PCNT: variants seen among roughly 807,000 people sequenced by gnomAD.
The protein encoded by PCNT is pericentrin, also known as kendrin.
In PCNT, 319 loss-of-function variants were observed where a neutral mutation model predicts 380.4. The observed-to-expected ratio is 0.84, with a 90% CI of 0.77 to 0.92. PCNT has a LOEUF of 0.92. Ranked by LOEUF, PCNT falls within the 40% of genes least tolerant of loss-of-function variation. The pLI, the probability that PCNT is intolerant of heterozygous loss-of-function variation, is 0.00. For missense variants in PCNT, 4,400 were observed against 4,255.3 expected (o/e 1.03, Z -0.95); for synonymous variants, 1,845 against 1,735.2 (o/e 1.06, Z -1.57).
At chr21:46,383,535 G>T (rs1228809429) in intron 16 of PCNT, among the ~76,000 whole-genome samples, 1 of 143,234 alleles carries the variant, frequency 7.0e-6, no homozygotes, top group Non-Finnish European at 1.5e-5. Context: ...TGGCGGAAGC[G>T]CATTCACAGT....
At position 46,365,407 on chromosome 21, in the gene PCNT, G is replaced by A. The variant is rs79984425; in HGVS notation, c.2610-1177G>A. 8.0e-4 allele frequency among the ~76,000 whole-genome samples: 80 copies of A among 99,386 alleles called. 5 individuals carry two copies. Among genetic ancestry groups the A allele is most frequent in the Admixed American group, 2.0e-3 (19 of 9,632 alleles). 65.2% of individuals were successfully genotyped at this position (99,386 alleles called of 152,430 possible). On this transcript the variant is annotated intron_variant, in intron 14 of 46. Transcript: ENST00000359568. ...GTTCTGTTCACTGCCGTGGGGTTCT[G>A]ATCACTGCCGTGGGGTTCTATTCAC... is the stretch of plus-strand genomic sequence containing the variant.
intron 10 of PCNT, 128 bp from the exon 11 acceptor site, chr21:46,353,859 A>G (rs751142696): frequency 1.0e-5 from 8 of 786,884 alleles, no homozygotes; most frequent in East Asian, 2.7e-5. Flanking sequence ...GCACATGGAC[A>G]TTGCCCGTCC....
chr21:46,444,896 ATGGC>A, intron 46 of PCNT, 75 bp downstream of exon 46: 1 of 1,426,306 alleles, frequency 7.0e-7, no homozygotes, highest in Non-Finnish European at 9.9e-7. Flanking sequence ...CTGTTGAAAG[ATGGC>A]TGGTATTCAG....
Position 46,324,279 on chromosome 21 carries a change from G to A in PCNT, c.51G>A (p.Thr17=). ...QRRRKVEAGR[T]KLAHFRQRKT... is the part of the protein sequence containing the mutation. The stretch of plus-strand genomic sequence containing the variant: ...GCAGAAAGGTGGAGGCCGGGAGGAC[G>A]AAGGTAAACATTAGGGGCTTCTTCT... Residue 17 remains threonine (T), a synonymous_variant, in exon 1 of 47, where the codon ACG becomes ACA. Coordinates refer to ENST00000359568, the MANE Select transcript of PCNT (RefSeq NM_006031.6). The A allele has an allele frequency of 3.7e-6, 6 of 1,610,492 alleles. No homozygotes were observed. The highest frequency in any genetic ancestry group is 5.1e-6 in the Non-Finnish European group (6 of 1,178,138).
intron 25 of PCNT, among the ~76,000 whole-genome samples, chr21:46,400,955 C>T (rs2147480498): frequency 6.6e-6 from 1 of 152,330 alleles, no homozygotes. Flanking sequence ...AGTTGTCCCC[C>T]TGGCCGGCCA....
chr21:46,391,931 C>CTCAG (rs1337860661), intron 21 of PCNT, among the ~76,000 whole-genome samples: 1 of 152,024 alleles, frequency 6.6e-6, no homozygotes, highest in Non-Finnish European at 1.5e-5. Flanking sequence ...ATTCGTGCAT[C>CTCAG]TCAGGCACGT....
rs1199074067 is a variant in PCNT, at chr21:46,425,264, G to T, written c.7180-567G>T. On this transcript the variant is annotated intron_variant, in intron 32 of 46. Coordinates refer to ENST00000359568, the MANE Select transcript of PCNT (RefSeq NM_006031.6). The surrounding 1 kb of genome is among the most constrained non-coding windows in gnomAD (Gnocchi z 4.2). ...GCGTAATCGGTGGGATAAAGCAGCC[G>T]CCTCGTGTTCACAGACCTGTGGGCA... Among the ~76,000 whole-genome samples, 1 of 152,184 alleles carries T rather than the reference G, an allele frequency of 6.6e-6. No individual in the cohort carries two copies. Among genetic ancestry groups the T allele is most frequent in the Non-Finnish European group, 1.5e-5 (1 of 68,038 alleles).
chr21:46,344,018 G>A (rs931530032), intron 3 of PCNT, among the ~76,000 whole-genome samples: 3 of 151,044 alleles, frequency 2.0e-5, no homozygotes, highest in Non-Finnish European at 2.9e-5. Flanking sequence ...TTCCTTTCCT[G>A]GTTAATCTCA....
intron 27 of PCNT, among the ~76,000 whole-genome samples, chr21:46,409,389 A>G (rs536753046): frequency 6.6e-6 from 1 of 151,762 alleles, no homozygotes; most frequent in South Asian, 2.1e-4. Flanking sequence ...GGGTTTCTCC[A>G]TGTTGGTCAG....
chr21:46,386,848 C>T lies in PCNT; in HGVS notation c.3464+865C>T, dbSNP rs2085855576. 2.6e-5 allele frequency among the ~76,000 whole-genome samples: 4 copies of T among 152,198 alleles called. No homozygotes were observed. The South Asian group carries it at 8.3e-4, about 32-fold the overall frequency. On this transcript the variant is annotated intron_variant, in intron 17 of 46. Coordinates refer to ENST00000359568, the MANE Select transcript of PCNT (RefSeq NM_006031.6). ...GGCACTGTGTTGCCAAACGCAGCCT[C>T]CCCTTGGTGCGCGTCCTCCCCGTCC...
intron 12 of PCNT, among the ~76,000 whole-genome samples, chr21:46,356,482 CAGA>C (rs1433331343): frequency 6.6e-6 from 1 of 152,246 alleles, no homozygotes; most frequent in African/African-American, 2.4e-5. Context: ...TCCTCTTCTG[CAGA>C]AGAAGAGATG....
chr21:46,398,631 C>T (rs1018892919), intron 24 of PCNT, among the ~76,000 whole-genome samples: 6 of 152,290 alleles, frequency 3.9e-5, no homozygotes, highest in Middle Eastern at 3.4e-3. Flanking sequence ...CTTTCTCGGG[C>T]AACCACTCAT....
intron 27 of PCNT, among the ~76,000 whole-genome samples, chr21:46,403,334 G>T (rs1437135023): frequency 1.4e-5 from 2 of 147,538 alleles, no homozygotes; most frequent in African/African-American, 2.5e-5. Context: ...TTGTGTGTGT[G>T]TGGTGCCCAC....
chr21:46,360,360 A>G (rs2084663447), intron 13 of PCNT, among the ~76,000 whole-genome samples: 1 of 141,584 alleles, frequency 7.1e-6, no homozygotes, highest in Admixed American at 7.3e-5. Context: ...AGTAGCTGGG[A>G]CTACAGGCGC....
At chr21:46,370,546 C>T (rs899438351) in intron 15 of PCNT, among the ~76,000 whole-genome samples, 2 of 152,052 alleles carry the variant, frequency 1.3e-5, no homozygotes, top group Non-Finnish European at 1.5e-5. Flanking sequence ...GAGGGGTCAT[C>T]CCAGGTTGGA....
rs768323829 is a variant in PCNT at position 46,398,230 on chromosome 21, G to A, written c.4564-5G>A. Reference sequence around the variant, plus strand: ...TTTTGCCTTCCATGTACATGAAATCGGCAGCAGGCGCCGCTGGATGGAGAG... The same window carrying A: ...TTTTGCCTTCCATGTACATGAAATCAGCAGCAGGCGCCGCTGGATGGAGAG... On this transcript the variant is annotated splice_polypyrimidine_tract_variant and splice_region_variant and intron_variant, in intron 23 of 46. Transcript: ENST00000359568. 1.1e-5 allele frequency: 17 copies of A among 1,607,882 alleles called. No homozygotes were observed. Among genetic ancestry groups the A allele is most frequent in the East Asian group, 4.5e-5 (2 of 44,726 alleles).
intron 26 of PCNT, 115 bp downstream of exon 26, chr21:46,401,836 ATTCTT>A (rs1332643993): frequency 2.8e-5 from 27 of 979,566 alleles, no homozygotes; most frequent in Middle Eastern, 3.0e-4. Flanking sequence ...ACCACTGTGT[ATTCTT>A]TTCTTTTCTT....
At chr21:46,369,156 C>T (rs574576013) in intron 15 of PCNT, among the ~76,000 whole-genome samples, 10 of 152,370 alleles carry the variant, frequency 6.6e-5, no homozygotes, top group African/African-American at 2.4e-4. Context: ...GAGTAAGGTG[C>T]AGTCAGTTGC....
intron 42 of PCNT, 146 bp from the exon 43 acceptor site, chr21:46,440,707 GAT>G (rs2053585678): frequency 3.2e-6 from 2 of 616,984 alleles, no homozygotes; most frequent in Admixed American, 5.6e-5. Flanking sequence ...TCTGGCCACA[GAT>G]ACTGTTGGAA....
Sources: allele counts gnomAD v4.1 joint callset (sites outside exome capture counted in the v4.1 genomes callset), GRCh38; gene constraint gnomAD v4.1.1; non-coding constraint Gnocchi (gnomAD v3.1); transcripts MANE v1.5; gene names NCBI Gene and HGNC (gene_info 2026-07-23, HGNC 2026-07-21).